Variants in KSR2 observed in about 807,000 individuals in gnomAD.
KSR2 encodes kinase suppressor of ras 2.
Under a neutral mutation model 107.8 loss-of-function variants are expected in KSR2, and 25 were observed. The observed-to-expected ratio is 0.23, with a 90% CI of 0.17 to 0.32. The LOEUF is 0.32. Ranked by LOEUF, KSR2 falls within the 10% of genes least tolerant of loss-of-function variation. KSR2 has a pLI of 1.00. For missense variants in KSR2, 887 were observed against 1,268.9 expected (o/e 0.70, Z 4.57); for synonymous variants, 480 against 507.0 (o/e 0.95, Z 0.71).
intron 5 of KSR2, among the ~76,000 whole-genome samples, chr12:117,625,634 T>A (rs574882028): frequency 6.6e-6 from 1 of 152,202 alleles, no homozygotes; most frequent in Non-Finnish European, 1.5e-5. Flanking sequence ...TTCGCATTGA[T>A]GTTCATCAGG....
In KSR2 at chr12:117,845,327, C is replaced by G. The variant is rs147905630; in HGVS notation, c.472+10101G>C. ...CACAACCACTGGCCATGTAAGCCTG[C>G]CTTCTGCTTCTTAAAAGTGCTTCTG... On this transcript the variant is annotated intron_variant, in intron 3 of 19. Coordinates refer to ENST00000339824, the MANE Select transcript of KSR2 (RefSeq NM_173598.6). 2.8e-3 allele frequency among the ~76,000 whole-genome samples: 419 copies of G among 152,272 alleles called. 1 individual carries two copies. Among genetic ancestry groups the G allele is most frequent in the Non-Finnish European group, 5.0e-3 (343 of 68,014 alleles).
chr12:117,467,243 C>T, intron 19 of KSR2, 38 bp from the exon 20 acceptor site: 1 of 714,500 alleles, frequency 1.4e-6, no homozygotes. Flanking sequence ...GGTGAGAGGT[C>T]ACAAGGACAT....
At chr12:117,686,071 C>G (rs901644549) in intron 4 of KSR2, among the ~76,000 whole-genome samples, 8 of 151,340 alleles carry the variant, frequency 5.3e-5, no homozygotes, top group Non-Finnish European at 1.0e-4. Flanking sequence ...TTTTTTGAAA[C>G]AGGGTCTTGT....
rs2136263985 is a variant in KSR2 at position 117,589,662 on chromosome 12, C to T, written c.1172-7303G>A. 1.3e-5 allele frequency among the ~76,000 whole-genome samples: 2 copies of T among 152,318 alleles called. 1 individual carries two copies. The highest frequency in any genetic ancestry group is 4.1e-4 in the South Asian group (2 of 4,822). The stretch of plus-strand genomic sequence containing the variant: ...ACCAGCTAAAATCCCACTGATTTAT[C>T]CAAGGCGCCAACCAATCCTAGACTA... On this transcript the variant is annotated intron_variant, in intron 5 of 19. Coordinates refer to ENST00000339824, the MANE Select transcript of KSR2 (RefSeq NM_173598.6).
chr12:117,520,588 A>G (rs1720877201), intron 14 of KSR2, among the ~76,000 whole-genome samples: 1 of 152,254 alleles, frequency 6.6e-6, no homozygotes, highest in Non-Finnish European at 1.5e-5. Flanking sequence ...CCCTTTGATT[A>G]CAATGGGAAG....
intron 7 of KSR2, among the ~76,000 whole-genome samples, chr12:117,567,431 A>G (rs1878573286): frequency 1.3e-5 from 2 of 151,990 alleles, no homozygotes; most frequent in South Asian, 4.1e-4. Flanking sequence ...GTAAGCAAAC[A>G]TGGCGCGCGG....
chr12:117,573,789 A>G (rs751123777), intron 7 of KSR2, among the ~76,000 whole-genome samples: 2 of 152,032 alleles, frequency 1.3e-5, no homozygotes, highest in Non-Finnish European at 2.9e-5. Flanking sequence ...TCAGCCACCC[A>G]AAGTGCTGGG....
chr12:117,879,263 A>G (rs1319860135), intron 1 of KSR2, among the ~76,000 whole-genome samples: 1 of 152,198 alleles, frequency 6.6e-6, no homozygotes, highest in Non-Finnish European at 1.5e-5. Flanking sequence ...TGTTCTTTTA[A>G]TGTTATATAA....
chr12:117,667,447 C>T, intron 5 of KSR2, 27 bp downstream of exon 5: 19 of 1,598,554 alleles, frequency 1.2e-5, no homozygotes, highest in Non-Finnish European at 1.4e-5. Context: ...GCAAGCGTTC[C>T]CAGTGCAGCC....
intron 4 of KSR2, among the ~76,000 whole-genome samples, chr12:117,724,377 A>G (rs374125070): frequency 1.3e-4 from 20 of 152,206 alleles, no homozygotes; most frequent in Middle Eastern, 3.4e-3. Flanking sequence ...ATAAGTAGCA[A>G]TGTTCCTCAG....
intron 14 of KSR2, among the ~76,000 whole-genome samples, chr12:117,524,491 C>G (rs2137234038): frequency 6.6e-6 from 1 of 152,152 alleles, no homozygotes; most frequent in African/African-American, 2.4e-5. Context: ...CATAGCAAGA[C>G]CCCATCTCTA....
At chr12:117,961,155 G>C (rs992797591) in intron 1 of KSR2, among the ~76,000 whole-genome samples, 1 of 152,062 alleles carries the variant, frequency 6.6e-6, no homozygotes. Context: ...TTGCAGTGTT[G>C]TGACTAAATG....
intron 1 of KSR2, among the ~76,000 whole-genome samples, chr12:117,901,008 T>C (rs982593359): frequency 5.3e-5 from 8 of 152,164 alleles, no homozygotes; most frequent in African/African-American, 1.7e-4. Context: ...GGTGGCATAA[T>C]AATTTCGGCA....
chr12:117,892,787 CAAAAAAAAAAA>C (rs35897528), intron 1 of KSR2, among the ~76,000 whole-genome samples: 3 of 87,132 alleles, frequency 3.4e-5, no homozygotes, highest in South Asian at 4.0e-4. Context: ...GTGCTATGTG[CAAAAAAAAAAA>C]AAAAAAAAAA....
intron 1 of KSR2, among the ~76,000 whole-genome samples, chr12:117,928,332 G>C (rs543107505): frequency 1.3e-5 from 2 of 151,972 alleles, no homozygotes; most frequent in Admixed American, 6.6e-5. Context: ...ACAGGCATGC[G>C]CCACCATACC....
At chr12:117,507,965 G>T (rs908532486) in intron 14 of KSR2, among the ~76,000 whole-genome samples, 1 of 152,032 alleles carries the variant, frequency 6.6e-6, no homozygotes, top group African/African-American at 2.4e-5. Flanking sequence ...CACCTCCCAG[G>T]CTGAGATAAA....
intron 5 of KSR2, among the ~76,000 whole-genome samples, chr12:117,642,029 A>G (rs766650607): frequency 6.6e-6 from 1 of 152,104 alleles, no homozygotes; most frequent in Non-Finnish European, 1.5e-5. Flanking sequence ...ATCCCCGTTC[A>G]TCATCTGGCT....
At chr12:117,819,269 G>T (rs1360971487) in intron 3 of KSR2, among the ~76,000 whole-genome samples, 16 of 151,888 alleles carry the variant, frequency 1.1e-4, no homozygotes, top group Admixed American at 1.0e-3. Context: ...GTCACTGCAG[G>T]TGTACACCAG....
intron 3 of KSR2, among the ~76,000 whole-genome samples, chr12:117,852,441 T>A (rs539495283): frequency 1.1e-4 from 16 of 151,690 alleles, no homozygotes; most frequent in African/African-American, 3.4e-4. Flanking sequence ...AATAAATAAA[T>A]AAATAAATAA....
Sources: gnomAD v4.1 joint callset for allele counts (sites outside exome capture counted in the v4.1 genomes callset) on GRCh38, gnomAD v4.1.1 for gene constraint, MANE v1.5 for transcripts, NCBI Gene and HGNC (gene_info 2026-07-23, HGNC 2026-07-21) for gene names.